Variants in ANXA8 observed in about 807,000 individuals in gnomAD.
The protein encoded by ANXA8 is VAC-beta.
ANXA8 carries 9 observed loss-of-function variants against 26.8 expected under a neutral mutation model. The ratio of observed to expected loss-of-function variants is 0.34; its 90% CI spans 0.20 to 0.59. The LOEUF (loss-of-function observed/expected upper bound fraction) is 0.59. Among genes scored for constraint, ANXA8 ranks in the 20% least tolerant of loss-of-function variants. The probability of loss-of-function intolerance (pLI) is 0.84; values close to 1 mark genes in which losing one functional copy is unlikely to be tolerated. For synonymous variants in ANXA8, 39 were observed against 94.8 expected, an observed-to-expected ratio of 0.41 and a Z score of 3.42; for missense variants, 83 against 238.5, an observed-to-expected ratio of 0.35 and a Z score of 4.29.
chr10:47,776,111 G>T, the ANXA8 span, among the ~76,000 whole-genome samples: 1 of 152,172 alleles, frequency 6.6e-6, no homozygotes, highest in East Asian at 1.9e-4. Flanking sequence ...GGAGGAAACC[G>T]GTCTGGGAAG....
chr10:47,560,623 G>A, the ANXA8 span, among the ~76,000 whole-genome samples: 7 of 152,074 alleles, frequency 4.6e-5, no homozygotes, highest in East Asian at 5.8e-4. Flanking sequence ...CCCCATGTGC[G>A]ATGTTCCTCG....
the ANXA8 span, among the ~76,000 whole-genome samples, chr10:47,596,028 C>G: frequency 6.9e-6 from 1 of 144,432 alleles, no homozygotes; most frequent in Non-Finnish European, 1.5e-5. Context: ...AAGCAAGTGT[C>G]AAGAAATAAA....
the ANXA8 span, among the ~76,000 whole-genome samples, chr10:47,632,347 A>T: frequency 6.7e-6 from 1 of 150,326 alleles, no homozygotes; most frequent in Admixed American, 6.6e-5. Context: ...ACTTGATCCT[A>T]CTTTTGTTTG....
At chr10:47,895,340 G>C in the ANXA8 span, among the ~76,000 whole-genome samples, 1 of 151,934 alleles carries the variant, frequency 6.6e-6, no homozygotes, top group Non-Finnish European at 1.5e-5. Context: ...TGATAGCAAA[G>C]GTGCTCCTTA....
the ANXA8 span, among the ~76,000 whole-genome samples, chr10:47,621,815 C>T: frequency 3.8e-5 from 4 of 106,404 alleles, 1 homozygote; most frequent in African/African-American, 7.5e-5. Flanking sequence ...TGCCTCTTGT[C>T]GGCCAAGTTT....
At chr10:47,626,900 AC>A in the ANXA8 span, among the ~76,000 whole-genome samples, 5 of 149,802 alleles carry the variant, frequency 3.3e-5, no homozygotes, top group Non-Finnish European at 7.4e-5. Flanking sequence ...CCATTTAAAA[AC>A]GTTCCATTTT....
At chr10:47,743,281 C>CATAT in the ANXA8 span, among the ~76,000 whole-genome samples, 2 of 64,718 alleles carry the variant, frequency 3.1e-5, no homozygotes, top group South Asian at 6.3e-4. Flanking sequence ...TATATATACA[C>CATAT]ACATATATAT....
the ANXA8 span, among the ~76,000 whole-genome samples, chr10:47,577,280 G>A: frequency 3.5e-5 from 5 of 141,436 alleles, 1 homozygote; most frequent in African/African-American, 1.1e-4. Flanking sequence ...GCTCATGCCT[G>A]TAACTTCAGC....
chr10:47,776,913 GA>G, the ANXA8 span, among the ~76,000 whole-genome samples: 1 of 151,398 alleles, frequency 6.6e-6, no homozygotes, highest in Non-Finnish European at 1.5e-5. Flanking sequence ...TAGGTATTGT[GA>G]TGTGAGATGT....
chr10:47,986,096 T>A, the ANXA8 span: 1 of 150,858 alleles, frequency 6.6e-6, no homozygotes, highest in Non-Finnish European at 1.5e-5. Flanking sequence ...CACCTCTTTA[T>A]CCTTGGATAA....
the ANXA8 span, among the ~76,000 whole-genome samples, chr10:47,535,122 G>C: frequency 8.0e-6 from 1 of 125,646 alleles, no homozygotes; most frequent in Non-Finnish European, 1.6e-5. Flanking sequence ...TCATGGGCGC[G>C]CAACACATGC....
At chr10:47,593,883 G>A in the ANXA8 span, among the ~76,000 whole-genome samples, 1 of 145,336 alleles carries the variant, frequency 6.9e-6, no homozygotes, top group Non-Finnish European at 1.5e-5. Flanking sequence ...CCCTCAATCT[G>A]GGTGGGCACC....
the ANXA8 span, among the ~76,000 whole-genome samples, chr10:47,676,746 C>T: frequency 4.0e-5 from 6 of 150,780 alleles, no homozygotes; most frequent in East Asian, 1.9e-4. Context: ...GGTGAAACTG[C>T]GTCTCTACTA....
the ANXA8 span, among the ~76,000 whole-genome samples, chr10:47,897,311 TA>T: frequency 4.4e-3 from 59 of 13,486 alleles, no homozygotes; most frequent in African/African-American, 0.019. Context: ...AGAAATGAAA[TA>T]ATTAGATCTT....
intron 7 of ANXA8, 21 bp downstream of exon 7, chr10:47,474,924 G>A: frequency 6.5e-7 from 1 of 1,533,354 alleles, no homozygotes; most frequent in Non-Finnish European, 8.8e-7. Context: ...GGGCCACATG[G>A]CCGGCTGGGC....
the ANXA8 span, among the ~76,000 whole-genome samples, chr10:47,560,878 G>A: frequency 7.3e-5 from 11 of 151,704 alleles, no homozygotes; most frequent in Admixed American, 2.6e-4. Context: ...TGACCTGAGC[G>A]TAGCTCACTG....
chr10:47,711,447 A>T, the ANXA8 span, among the ~76,000 whole-genome samples: 1 of 138,954 alleles, frequency 7.2e-6, no homozygotes, highest in Non-Finnish European at 1.5e-5. Flanking sequence ...TACCTGAAAG[A>T]GTTAATGTCT....
At chr10:47,594,718 G>T in the ANXA8 span, among the ~76,000 whole-genome samples, 4,806 of 147,366 alleles carry the variant, frequency 0.033, 609 homozygotes, top group African/African-American at 0.12. Flanking sequence ...CAAAAATAAA[G>T]AAAAAATATT....
At chr10:47,888,975 A>AAT in the ANXA8 span, among the ~76,000 whole-genome samples, 41 of 62,024 alleles carry the variant, frequency 6.6e-4, no homozygotes, top group African/African-American at 2.1e-3. Context: ...CTTATAATAT[A>AAT]ATATATATGT....
Sources: gnomAD v4.1 joint callset for allele counts (sites outside exome capture counted in the v4.1 genomes callset) on GRCh38, gnomAD v4.1.1 for gene constraint, MANE v1.5 for transcripts, NCBI Gene and HGNC (gene_info 2026-07-23, HGNC 2026-07-21) for gene names.